The following TP53BP1 variants were observed in gnomAD, a reference collection of about 807,000 sequenced individuals.
TP53BP1 encodes TP53-binding protein 1.
TP53BP1 carries 61 observed loss-of-function variants against 200.8 expected under a neutral mutation model. The ratio of observed to expected loss-of-function variants is 0.30; its 90% confidence interval spans 0.25 to 0.38. The LOEUF (loss-of-function observed/expected upper bound fraction) is 0.38. Ranked by LOEUF, TP53BP1 falls within the 10% of genes least tolerant of loss-of-function variation. The pLI is 1.00. For synonymous variants in TP53BP1, 822 were observed against 844.3 expected (o/e 0.97, Z 0.46); for missense variants, 2,144 against 2,371.9 (o/e 0.90, Z 2.00).
chr15:43,419,307 T>A (rs2045337702), intron 21 of TP53BP1, among the ~76,000 whole-genome samples: 1 of 152,064 alleles, frequency 6.6e-6, no homozygotes, highest in South Asian at 2.1e-4. Flanking sequence ...TGTGGATACA[T>A]CACAAACCTT....
chr15:43,456,949 C>T lies in TP53BP1; in HGVS notation c.1659G>A (p.Thr553=), dbSNP rs377485265. The T allele has an allele frequency of 1.1e-5, 17 of 1,613,984 alleles. No individual in the cohort carries two copies. Among genetic ancestry groups the T allele is most frequent in the African/African-American group, 8.0e-5 (6 of 74,900 alleles). The change falls in exon 12 of 28, where the codon ACG becomes ACA. Residue 553 remains threonine, a synonymous_variant. Coordinates refer to ENST00000382044, the MANE Select transcript of TP53BP1 (RefSeq NM_001141980.3). Reference sequence around the variant, plus strand: ...AATTGAGAACTGGAGACATGGGTTCCGTATCCTCAATCTGTGTGTTTTCTC... The same window carrying T: ...AATTGAGAACTGGAGACATGGGTTCTGTATCCTCAATCTGTGTGTTTTCTC... The part of the protein sequence containing the change: ...EDGENTQIED[T]EPMSPVLNSK...
chr15:43,415,927 A>C, intron 22 of TP53BP1, 118 bp from the exon 23 acceptor site: 1 of 858,274 alleles, frequency 1.2e-6, no homozygotes, highest in Non-Finnish European at 1.8e-6. Flanking sequence ...ACTTCCCATG[A>C]GGCCAAGAAG....
intron 17 of TP53BP1, among the ~76,000 whole-genome samples, chr15:43,429,658 T>C (rs1229294346): frequency 1.3e-5 from 2 of 152,198 alleles, no homozygotes; most frequent in African/African-American, 4.8e-5. Flanking sequence ...TTTACTAAAA[T>C]GGAGATATGT....
chr15:43,415,289 C>T (rs914873322), intron 23 of TP53BP1: 1 of 387,226 alleles, frequency 2.6e-6, no homozygotes, highest in Non-Finnish European at 4.9e-6. Flanking sequence ...CTCACTGCAA[C>T]CTCCGCCTTC....
In TP53BP1 at chr15:43,432,460, G is replaced by A. The variant is rs755481776; in HGVS notation, c.3409C>T (p.Arg1137Trp). 15 of 1,614,080 alleles carry A rather than the reference G, an allele frequency of 9.3e-6. No individual in the cohort carries two copies. Among genetic ancestry groups the A allele is most frequent in the Admixed American group, 1.7e-5 (1 of 60,024 alleles). Residue 1137 changes from arginine (R) to tryptophan (W), a missense_variant, in exon 17 of 28, where the codon CGG becomes TGG. Arg to Trp is a moderately radical substitution (Grantham distance 101). Transcript: ENST00000382044. The part of the protein sequence containing the change: ...TDVLEDQKEG[R>W]STNKENPSKA... ...CTAGGATTTTCCTTATTAGTACTCC[G>A]TCCTTCTTTCTGGTCTTCTAGCACA... is the stretch of plus-strand genomic sequence containing the variant.
At chr15:43,437,458 A>G (rs376727497) in intron 16 of TP53BP1, among the ~76,000 whole-genome samples, 1 of 152,120 alleles carries the variant, frequency 6.6e-6, no homozygotes, top group Non-Finnish European at 1.5e-5. Flanking sequence ...CACAGTGAGA[A>G]GCCATCTCTA....
At chr15:43,412,438 T>C (rs544384984) in intron 24 of TP53BP1, among the ~76,000 whole-genome samples, 261 of 152,324 alleles carry the variant, frequency 1.7e-3, no homozygotes, top group Non-Finnish European at 2.6e-3. Context: ...AGTGTATACA[T>C]TTATATCTGC....
At chr15:43,427,675 G>T (rs556088837) in intron 18 of TP53BP1, among the ~76,000 whole-genome samples, 2 of 152,320 alleles carry the variant, frequency 1.3e-5, no homozygotes, top group East Asian at 3.9e-4. Flanking sequence ...GAAATGTGGG[G>T]TCAGGGACAA....
chr15:43,405,445 T>C lies in TP53BP1; in HGVS notation c.*1938A>G, dbSNP rs571058724. ...AGAACATGTGGCATCTCTGATCCTT[T>C]ACATTGAGAACATTTGTTGGATATG... is the stretch of plus-strand genomic sequence containing the variant. On this transcript the variant is annotated 3_prime_UTR_variant, in exon 28 of 28. Coordinates refer to ENST00000382044, the MANE Select transcript of TP53BP1 (RefSeq NM_001141980.3). 5.1e-6 allele frequency: 3 copies of C among 585,298 alleles called. No individual in the cohort carries two copies. The African/African-American group carries it at 5.6e-5, about 11-fold the overall frequency. 36.3% of individuals were successfully genotyped at this position (585,298 alleles called of 1,614,324 possible).
At chr15:43,477,306 AAAAAAAAG>A (rs2078898675) in intron 8 of TP53BP1, among the ~76,000 whole-genome samples, 1 of 151,856 alleles carries the variant, frequency 6.6e-6, no homozygotes, top group South Asian at 2.1e-4. Flanking sequence ...TCTCAAAAAA[AAAAAAAAG>A]AAAAAAAGAA....
At chr15:43,497,965 T>G (rs1339874681), upstream of TP53BP1, among the ~76,000 whole-genome samples, 1 of 152,184 alleles carries the variant, frequency 6.6e-6, no homozygotes, top group South Asian at 2.1e-4. Context: ...ACTTAGATCA[T>G]AAAAAATTTT....
chr15:43,484,877 T>A (rs1202998558), intron 4 of TP53BP1, among the ~76,000 whole-genome samples: 1 of 151,826 alleles, frequency 6.6e-6, no homozygotes, highest in Non-Finnish European at 1.5e-5. Flanking sequence ...CAGCCTCCCA[T>A]GTAGCTGGGA....
chr15:43,453,191 C>T (rs1243292243), intron 12 of TP53BP1, among the ~76,000 whole-genome samples: 4 of 46,830 alleles, frequency 8.5e-5, no homozygotes, highest in Non-Finnish European at 1.3e-4. Context: ...GAGACTCCGT[C>T]TCAAAAAAAA....
In TP53BP1 at chr15:43,415,662, T is replaced by C; in HGVS notation, c.5021A>G (p.Lys1674Arg). 6.2e-7 allele frequency: 1 copy of C among 1,614,204 alleles called. No individual in the cohort carries two copies. The highest frequency in any genetic ancestry group is 8.5e-7 in the Non-Finnish European group (1 of 1,180,044). The change falls in exon 23 of 28, where the codon AAA (lysine) becomes AGA (arginine). Residue 1674 changes from lysine (K) to arginine (R), a missense_variant. By Grantham distance (26) the Lys-to-Arg change is conservative. Transcript: ENST00000382044. ...ASMGVLSGKR[K>R]LITSEEERSP... Reference sequence around the variant, plus strand: ...CCGTTCCTCTTCAGAAGTGATAAGTTTTCTTTTGCCTGAGAGAACTCCCAT... The same window carrying C: ...CCGTTCCTCTTCAGAAGTGATAAGTCTTCTTTTGCCTGAGAGAACTCCCAT...
At chr15:43,437,501 G>A (rs935180844) in intron 16 of TP53BP1, among the ~76,000 whole-genome samples, 36 of 152,056 alleles carry the variant, frequency 2.4e-4, no homozygotes, top group Admixed American at 1.8e-3. Flanking sequence ...GTATGGTGGC[G>A]CATGCTTGTG....
chr15:43,412,358 TACA>T (rs1015228805), intron 24 of TP53BP1, among the ~76,000 whole-genome samples: 2 of 152,218 alleles, frequency 1.3e-5, no homozygotes, highest in Non-Finnish European at 2.9e-5. Context: ...CTCTAACTTG[TACA>T]ACATCATTCC....
intron 1 of TP53BP1, among the ~76,000 whole-genome samples, chr15:43,501,571 T>C (rs2079209561): frequency 6.6e-6 from 1 of 152,204 alleles, no homozygotes; most frequent in African/African-American, 2.4e-5. Flanking sequence ...TATCAATCAA[T>C]ATATAGAACA....
chr15:43,493,164 C>T (rs1440522456), upstream of TP53BP1: 4 of 1,541,914 alleles, frequency 2.6e-6, no homozygotes, highest in East Asian at 7.3e-5. Flanking sequence ...CTCCCCCTTT[C>T]CCGTCACGTC....
chr15:43,441,452 T>C (rs1405383033), intron 15 of TP53BP1, 74 bp downstream of exon 15: 5 of 991,140 alleles, frequency 5.0e-6, no homozygotes, highest in Non-Finnish European at 8.0e-6. Context: ...ACTTTTTTCC[T>C]TTGTTGATAA....
Sources: allele counts gnomAD v4.1 joint callset (sites outside exome capture counted in the v4.1 genomes callset), GRCh38; gene constraint gnomAD v4.1.1; transcripts MANE v1.5; gene names NCBI Gene and HGNC (gene_info 2026-07-23, HGNC 2026-07-21).